The following LRRTM4 variants were observed in gnomAD, a reference collection of about 807,000 sequenced individuals.
LRRTM4 encodes leucine-rich repeat transmembrane neuronal protein 4.
LRRTM4 carries 25 observed loss-of-function variants against 47.6 expected under a neutral mutation model. The observed-to-expected ratio is 0.53, with a 90% CI of 0.38 to 0.73. The LOEUF (loss-of-function observed/expected upper bound fraction) is 0.73. LRRTM4 is among the 30% of genes least tolerant of loss of function. The pLI is 0.00. For synonymous variants in LRRTM4, 311 were observed against 269.5 expected, an observed-to-expected ratio of 1.15 and a Z score of -1.51; for missense variants, 638 against 713.4, an observed-to-expected ratio of 0.89 and a Z score of 1.20.
chr2:76,825,449 AATG>A (rs777771520), intron 3 of LRRTM4, among the ~76,000 whole-genome samples: 6 of 151,734 alleles, frequency 4.0e-5, no homozygotes, highest in Non-Finnish European at 5.9e-5. Flanking sequence ...AAGTATTACA[AATG>A]ATTTCTAACT....
intron 3 of LRRTM4, among the ~76,000 whole-genome samples, chr2:77,212,031 G>C (rs1279471657): frequency 6.6e-6 from 1 of 151,946 alleles, no homozygotes; most frequent in Non-Finnish European, 1.5e-5. Flanking sequence ...TATGCATATT[G>C]TGATGGATTT....
intron 3 of LRRTM4, among the ~76,000 whole-genome samples, chr2:77,480,165 A>C (rs998394693): frequency 6.6e-6 from 1 of 152,246 alleles, no homozygotes; most frequent in East Asian, 1.9e-4. Context: ...CATTTCCTCT[A>C]ATTATCAACC....
intron 3 of LRRTM4, among the ~76,000 whole-genome samples, chr2:77,516,329 T>G (rs1374613252): frequency 6.6e-6 from 1 of 151,850 alleles, no homozygotes; most frequent in Non-Finnish European, 1.5e-5. Flanking sequence ...AACTTGTTTC[T>G]GTCATGGTAA....
At chr2:77,393,837 G>C (rs142414319) in intron 3 of LRRTM4, among the ~76,000 whole-genome samples, 1 of 151,932 alleles carries the variant, frequency 6.6e-6, no homozygotes, top group Non-Finnish European at 1.5e-5. Context: ...GTACATTGGA[G>C]ATTAGTGTAT....
intron 3 of LRRTM4, among the ~76,000 whole-genome samples, chr2:76,878,059 G>A (rs773553704): frequency 9.2e-5 from 14 of 151,986 alleles, no homozygotes; most frequent in East Asian, 1.9e-4. Flanking sequence ...TTGCAACAGC[G>A]TATGTTCACT....
intron 3 of LRRTM4, among the ~76,000 whole-genome samples, chr2:77,294,724 A>G (rs1422844329): frequency 6.6e-6 from 1 of 152,140 alleles, no homozygotes; most frequent in Non-Finnish European, 1.5e-5. Context: ...ATTTCACTAC[A>G]AAGAGCTAAA....
intron 3 of LRRTM4, among the ~76,000 whole-genome samples, chr2:77,486,193 A>G (rs1408288546): frequency 1.3e-5 from 2 of 152,200 alleles, no homozygotes; most frequent in African/African-American, 4.8e-5. Context: ...TTTCTTTCCA[A>G]TTCAATAAAG....
chr2:76,790,856 T>C (rs1179542544), intron 3 of LRRTM4, among the ~76,000 whole-genome samples: 1 of 152,178 alleles, frequency 6.6e-6, no homozygotes, highest in African/African-American at 2.4e-5. Flanking sequence ...CTAGAAAACA[T>C]GATGTAGGCA....
chr2:76,788,343 G>A (rs1158908259), intron 3 of LRRTM4, among the ~76,000 whole-genome samples: 1 of 152,174 alleles, frequency 6.6e-6, no homozygotes, highest in Non-Finnish European at 1.5e-5. Context: ...TATCCGTCTT[G>A]AATAACCATT....
At position 77,521,698 on chromosome 2, in the gene LRRTM4, C is replaced by G. The variant is rs1164363681; in HGVS notation, c.-27G>C. ...CTTTGTCATCCAAAAACGTTTCCCC[C>G]CTCTCTCAGCTTTCTTCTTATTTGG... On this transcript the variant is annotated 5_prime_UTR_variant, in exon 2 of 4. Coordinates refer to ENST00000409884, the MANE Select transcript of LRRTM4 (RefSeq NM_001134745.3). 1.2e-6 allele frequency: 2 copies of G among 1,611,726 alleles called. No homozygotes were observed. The highest frequency in any genetic ancestry group is 1.7e-6 in the Non-Finnish European group (2 of 1,178,990).
intron 3 of LRRTM4, among the ~76,000 whole-genome samples, chr2:77,396,852 G>A (rs1283801787): frequency 1.3e-5 from 2 of 151,808 alleles, no homozygotes; most frequent in South Asian, 2.1e-4. Context: ...TTGAATATAC[G>A]TTTCTTAAAA....
chr2:77,271,520 G>A (rs372630667), intron 3 of LRRTM4, among the ~76,000 whole-genome samples: 75 of 152,280 alleles, frequency 4.9e-4, no homozygotes, highest in Admixed American at 1.6e-3. Flanking sequence ...GAGGTTGAGT[G>A]CGGGGGGCCA....
chr2:77,464,166 G>A (rs1381397717), intron 3 of LRRTM4, among the ~76,000 whole-genome samples: 1 of 152,072 alleles, frequency 6.6e-6, no homozygotes, highest in Non-Finnish European at 1.5e-5. Context: ...CCTAGGAAGG[G>A]AAGAGAGCAC....
At chr2:77,226,529 A>C (rs1444781305) in intron 3 of LRRTM4, among the ~76,000 whole-genome samples, 1 of 100,900 alleles carries the variant, frequency 9.9e-6, no homozygotes, top group East Asian at 2.4e-4. Flanking sequence ...TTACAGAGCA[A>C]ATTATATACA....
intron 3 of LRRTM4, among the ~76,000 whole-genome samples, chr2:77,334,536 G>A (rs1467521689): frequency 6.6e-6 from 1 of 152,130 alleles, no homozygotes; most frequent in Admixed American, 6.6e-5. Flanking sequence ...TTTGCCTGCT[G>A]CCATCCACAT....
chr2:77,032,739 AC>A (rs1487145819), intron 3 of LRRTM4, among the ~76,000 whole-genome samples: 15 of 152,086 alleles, frequency 9.9e-5, no homozygotes, highest in Admixed American at 9.8e-4. Flanking sequence ...TTTAAGACTT[AC>A]CGATTTAATT....
intron 3 of LRRTM4, among the ~76,000 whole-genome samples, chr2:76,780,401 T>C (rs1223512161): frequency 6.6e-6 from 1 of 152,174 alleles, no homozygotes; most frequent in Non-Finnish European, 1.5e-5. Context: ...GGTACACCAA[T>C]CAGACGTAGA....
At chr2:77,190,181 C>T (rs1262709828) in intron 3 of LRRTM4, among the ~76,000 whole-genome samples, 1 of 151,192 alleles carries the variant, frequency 6.6e-6, no homozygotes, top group Non-Finnish European at 1.5e-5. Context: ...TTCTTAGAAA[C>T]TTGATTATCA....
intron 3 of LRRTM4, among the ~76,000 whole-genome samples, chr2:76,892,205 T>C (rs1480065866): frequency 1.3e-5 from 2 of 151,508 alleles, no homozygotes; most frequent in Non-Finnish European, 3.0e-5. Context: ...AAAATAGAAA[T>C]GGTTTAAAAC....
Sources: allele counts gnomAD v4.1 joint callset (sites outside exome capture counted in the v4.1 genomes callset), GRCh38; gene constraint gnomAD v4.1.1; transcripts MANE v1.5; gene names NCBI Gene and HGNC (gene_info 2026-07-23, HGNC 2026-07-21).